PPIG: variants seen among roughly 807,000 people sequenced by gnomAD.
PPIG encodes the protein peptidylprolyl isomerase G, also known as peptidyl-prolyl cis-trans isomerase G.
In PPIG, 26 loss-of-function variants were observed where a neutral mutation model predicts 87.9. That is an observed-to-expected ratio of 0.30 (90% CI 0.22 to 0.41). The LOEUF is 0.41. PPIG is among the 10% of genes least tolerant of loss of function. PPIG has a pLI of 1.00. For missense variants in PPIG, 722 were observed against 879.4 expected, an observed-to-expected ratio of 0.82 and a Z score of 2.26; for synonymous variants, 308 against 276.5, an observed-to-expected ratio of 1.11 and a Z score of -1.13.
chr2:169,637,412 G>T lies in PPIG; in HGVS notation c.2154G>T (p.Val718=). The change falls in exon 14 of 14, where the codon GTG becomes GTT. Residue 718 remains valine, a synonymous_variant. Coordinates refer to ENST00000260970, the MANE Select transcript of PPIG (RefSeq NM_004792.3). The part of the protein sequence containing the change: ...NKEDEKIRSS[V]EKENQKSKGQ... ...AGGATGAGAAGATCAGATCCTCAGT[G>T]GAAAAAGAAAACCAAAAATCAAAAG... 6.2e-7 allele frequency: 1 copy of T among 1,612,402 alleles called. No individual in the cohort carries two copies. Among genetic ancestry groups the T allele is most frequent in the Non-Finnish European group, 8.5e-7 (1 of 1,179,564 alleles).
At chr2:169,626,856 C>A (rs1685900421) in intron 9 of PPIG, among the ~76,000 whole-genome samples, 1 of 151,296 alleles carries the variant, frequency 6.6e-6, no homozygotes, top group Admixed American at 6.6e-5. Flanking sequence ...ACTACAGGCG[C>A]CCATCACCAT....
At chr2:169,608,927 C>CA (rs1227278997) in intron 7 of PPIG, among the ~76,000 whole-genome samples, 169 bp downstream of exon 7, 3 of 151,260 alleles carry the variant, frequency 2.0e-5, no homozygotes, top group Non-Finnish European at 4.4e-5. Context: ...CTAAAAAATA[C>CA]AAAAAAATTA....
intron 9 of PPIG, among the ~76,000 whole-genome samples, chr2:169,618,939 C>T (rs1253131044): frequency 1.3e-4 from 19 of 151,426 alleles, no homozygotes. Context: ...TTTGTTTGCT[C>T]TTGCTTCTCT....
chr2:169,609,745 G>C (rs1685433812), intron 7 of PPIG, among the ~76,000 whole-genome samples: 1 of 152,158 alleles, frequency 6.6e-6, no homozygotes, highest in South Asian at 2.1e-4. Context: ...AATTTAAACG[G>C]AATGGTGGAG....
chr2:169,616,515 T>G (rs902186900), intron 9 of PPIG, among the ~76,000 whole-genome samples: 2 of 152,204 alleles, frequency 1.3e-5, no homozygotes, highest in Non-Finnish European at 2.9e-5. Flanking sequence ...ATCTGTTGTT[T>G]CCTGACTTTT....
intron 9 of PPIG, among the ~76,000 whole-genome samples, chr2:169,621,640 T>C (rs933340956): frequency 3.3e-5 from 5 of 152,120 alleles, no homozygotes; most frequent in Non-Finnish European, 7.3e-5. Flanking sequence ...AACTTTAGAG[T>C]GTTTTTAGTA....
chr2:169,631,430 C>A, intron 10 of PPIG: 1 of 419,144 alleles, frequency 2.4e-6, no homozygotes, highest in Non-Finnish European at 3.7e-6. Context: ...TCTTCATCTG[C>A]CTATGGCTCA....
chr2:169,632,113 CTTAA>C lies in PPIG; in HGVS notation c.929+181_929+184del, dbSNP rs1686072382. On this transcript the variant is annotated intron_variant, in intron 11 of 13. Transcript: ENST00000260970. ...CCACATAACTAGAAAGGGAAATTGA[CTTAA>C]ATTACAAGTAGGTTCTGAAGTAAAG... Among the ~76,000 whole-genome samples, 3 of 152,250 alleles carry C rather than the reference CTTAA, an allele frequency of 2.0e-5. No individual in the cohort carries two copies. In the South Asian group the frequency reaches 6.2e-4, roughly 32 times the overall value.
At chr2:169,626,070 T>G (rs1303780645) in intron 9 of PPIG, among the ~76,000 whole-genome samples, 1 of 152,228 alleles carries the variant, frequency 6.6e-6, no homozygotes, top group Non-Finnish European at 1.5e-5. Context: ...CATCTCCATG[T>G]TCTGACATTA....
chr2:169,628,230 G>C (rs1017572745), intron 9 of PPIG, among the ~76,000 whole-genome samples: 4 of 152,158 alleles, frequency 2.6e-5, no homozygotes, highest in African/African-American at 9.7e-5. Flanking sequence ...ATGATTTCCA[G>C]GCACAGCTTG....
rs1247538240 is a variant in PPIG at position 169,622,402 on chromosome 2, C to T, written c.547+7678C>T. On this transcript the variant is annotated intron_variant, in intron 9 of 13. Coordinates refer to ENST00000260970, the MANE Select transcript of PPIG (RefSeq NM_004792.3). ...AAGGAGGAAGTAAATGAATGTAGCT[C>T]TTTATATATTACTTACATCTTTATA... Among the ~76,000 whole-genome samples, 3 of 152,172 alleles carry T rather than the reference C, an allele frequency of 2.0e-5. No homozygotes were observed. In the East Asian group the frequency reaches 5.8e-4, roughly 29 times the overall value.
intron 7 of PPIG, among the ~76,000 whole-genome samples, chr2:169,612,842 G>A (rs1685526909): frequency 6.6e-6 from 1 of 152,046 alleles, no homozygotes; most frequent in African/African-American, 2.4e-5. Context: ...TAGTTCTTTT[G>A]AATATATACC....
chr2:169,595,398 C>T (rs748692270), intron 1 of PPIG, among the ~76,000 whole-genome samples: 10 of 152,190 alleles, frequency 6.6e-5, no homozygotes, highest in African/African-American at 9.7e-5. Context: ...AAGCATTTAT[C>T]CTTTTTGTTA....
At chr2:169,605,357 G>A (rs1247135232) in intron 4 of PPIG, among the ~76,000 whole-genome samples, 1 of 151,956 alleles carries the variant, frequency 6.6e-6, no homozygotes, top group African/African-American at 2.4e-5. Flanking sequence ...CAAAAAATCA[G>A]CTGGGTATGG....
At chr2:169,603,897 A>G in intron 2 of PPIG, 129 bp from the exon 3 acceptor site, 1 of 709,890 alleles carries the variant, frequency 1.4e-6, no homozygotes, top group Non-Finnish European at 2.3e-6. Flanking sequence ...GATTTACCTC[A>G]TAGAAATAAA....
chr2:169,631,860 C>G lies in PPIG; in HGVS notation c.856C>G (p.Leu286Val). 1 of 1,613,034 alleles carries G rather than the reference C, an allele frequency of 6.2e-7. No individual in the cohort carries two copies. Among genetic ancestry groups the G allele is most frequent in the Admixed American group, 1.7e-5 (1 of 59,968 alleles). Reference protein sequence around the residue: ...EIPPIPENRFLMRKSPPKADE... With the variant: ...EIPPIPENRFVMRKSPPKADE... Reference sequence around the variant, plus strand: ...CCCTCCTATACCTGAAAATAGATTCCTAATGAGAAAAAGTCCTCCTAAAGC... The same window carrying G: ...CCCTCCTATACCTGAAAATAGATTCGTAATGAGAAAAAGTCCTCCTAAAGC... Residue 286 changes from leucine (L) to valine (V), a missense_variant, in exon 11 of 14, where the codon CTA (leucine) becomes GTA (valine). By Grantham distance (32) the Leu-to-Val change is conservative. This residue lies in a region of PPIG where 142 missense variants were observed against 152.8 expected (regional missense o/e 0.93). Coordinates refer to ENST00000260970, the MANE Select transcript of PPIG (RefSeq NM_004792.3).
intron 1 of PPIG, among the ~76,000 whole-genome samples, chr2:169,597,400 C>T (rs1685048042): frequency 6.6e-6 from 1 of 152,006 alleles, no homozygotes; most frequent in Non-Finnish European, 1.5e-5. Context: ...CTGAAAGAGT[C>T]CTCCCACCTG....
At chr2:169,627,154 A>G (rs1337618258) in intron 9 of PPIG, among the ~76,000 whole-genome samples, 1 of 152,188 alleles carries the variant, frequency 6.6e-6, no homozygotes, top group African/African-American at 2.4e-5. Context: ...GCTGGATTGC[A>G]GTGGTGCAAT....
chr2:169,602,762 G>T (rs891920246), intron 1 of PPIG, among the ~76,000 whole-genome samples: 1 of 152,152 alleles, frequency 6.6e-6, no homozygotes, highest in Non-Finnish European at 1.5e-5. Flanking sequence ...TTAGGCAGGG[G>T]AAGGATATGA....
Sources: allele counts gnomAD v4.1 joint callset (sites outside exome capture counted in the v4.1 genomes callset), GRCh38; gene constraint gnomAD v4.1.1; regional missense constraint gnomAD v4.1.1; transcripts MANE v1.5; gene names NCBI Gene and HGNC (gene_info 2026-07-23, HGNC 2026-07-21).